The following BCL2L14 variants were observed in gnomAD, a reference collection of about 807,000 sequenced individuals.
BCL2L14 encodes the protein apoptosis facilitator Bcl-2-like protein 14.
Under a neutral mutation model 35.3 loss-of-function variants are expected in BCL2L14, and 27 were observed. The ratio of observed to expected loss-of-function variants is 0.76; its 90% confidence interval spans 0.56 to 1.05. The LOEUF (loss-of-function observed/expected upper bound fraction) is 1.05, where lower values mean the gene tolerates loss of function less well. Among genes scored for constraint, BCL2L14 ranks in the 50% least tolerant of loss-of-function variants. BCL2L14 has a pLI of 0.00. For missense variants in BCL2L14, 377 were observed against 382.6 expected (o/e 0.99, Z 0.12); for synonymous variants, 139 against 145.9 (o/e 0.95, Z 0.34).
chr12:12,061,089 C>T (rs1426468433), intron 2 of BCL2L14, among the ~76,000 whole-genome samples: 1 of 109,384 alleles, frequency 9.1e-6, no homozygotes, highest in Non-Finnish European at 1.9e-5. Flanking sequence ...CCAACTTAGA[C>T]AATACTCTTT....
intron 1 of BCL2L14, among the ~76,000 whole-genome samples, chr12:12,074,931 C>A (rs1409786165): frequency 6.6e-6 from 1 of 151,850 alleles, no homozygotes; most frequent in African/African-American, 2.4e-5. Context: ...GTGTGAGCCA[C>A]GGTGCCAGCC....
At chr12:12,066,179 G>C (rs552811970), upstream of BCL2L14, among the ~76,000 whole-genome samples, 16 of 152,338 alleles carry the variant, frequency 1.1e-4, no homozygotes, top group African/African-American at 3.8e-4. Flanking sequence ...GGAGTGGCAT[G>C]TTGACCCCTT....
intron 3 of BCL2L14, among the ~76,000 whole-genome samples, chr12:12,090,153 C>T (rs1200848563): frequency 6.6e-6 from 1 of 152,134 alleles, no homozygotes. Context: ...GAATCCTGTG[C>T]TGTGAAACCG....
intron 2 of BCL2L14, among the ~76,000 whole-genome samples, chr12:12,057,499 T>A (rs1236691449): frequency 3.9e-5 from 6 of 152,282 alleles, no homozygotes; most frequent in African/African-American, 1.4e-4. Context: ...GGCTCACGCC[T>A]GTAATCCCAG....
intron 2 of BCL2L14, among the ~76,000 whole-genome samples, chr12:12,064,651 T>A (rs1382441061): frequency 1.3e-5 from 2 of 152,208 alleles, no homozygotes; most frequent in East Asian, 3.8e-4. Context: ...AATTTTACAG[T>A]AAAATGAACA....
At chr12:12,090,028 A>C (rs796881304) in intron 3 of BCL2L14, among the ~76,000 whole-genome samples, 2 of 152,282 alleles carry the variant, frequency 1.3e-5, no homozygotes, top group African/African-American at 4.8e-5. Flanking sequence ...AACTAACCCA[A>C]AGAGTGAAAT....
chr12:12,092,540 G>A (rs551875000), intron 4 of BCL2L14, among the ~76,000 whole-genome samples: 159 of 152,302 alleles, frequency 1.0e-3, no homozygotes, highest in African/African-American at 3.7e-3. Context: ...TACACCTCCA[G>A]GAGAGGCCAA....
At chr12:12,079,232 C>T in intron 1 of BCL2L14, 67 bp from the exon 2 acceptor site, 1 of 1,339,418 alleles carries the variant, frequency 7.5e-7, no homozygotes. Flanking sequence ...TCACCCCTGT[C>T]TCTCCTAACC....
chr12:12,093,617 A>G (rs1020195999), intron 4 of BCL2L14, among the ~76,000 whole-genome samples: 1 of 151,458 alleles, frequency 6.6e-6, no homozygotes, highest in East Asian at 1.9e-4. Flanking sequence ...ACATGATGAA[A>G]CCCTGTCTCT....
chr12:12,061,753 G>A (rs960398243), intron 2 of BCL2L14, among the ~76,000 whole-genome samples: 1 of 152,136 alleles, frequency 6.6e-6, no homozygotes, highest in African/African-American at 2.4e-5. Flanking sequence ...CTGCCGGAAG[G>A]CTTCACAGAC....
chr12:12,085,591 T>C (rs1266350789), intron 2 of BCL2L14, among the ~76,000 whole-genome samples: 1 of 152,200 alleles, frequency 6.6e-6, no homozygotes, highest in African/African-American at 2.4e-5. Context: ...CCCTGTGGAC[T>C]AACCATGGAA....
chr12:12,055,696 A>T (rs1350024623), intron 2 of BCL2L14: 1 of 152,210 alleles, frequency 6.6e-6, no homozygotes, highest in African/African-American at 2.4e-5. Flanking sequence ...GAGAATACAG[A>T]AGTCAAATGG....
Position 12,078,883 on chromosome 12 carries a change from G to A in BCL2L14, c.-7-416G>A, listed in dbSNP as rs182102175. Reference sequence around the variant, plus strand: ...GCAATCTCAGCTCACTACAACCCCCGACTCCTGGGTTCAAGCGATTCTTCT... The same window carrying A: ...GCAATCTCAGCTCACTACAACCCCCAACTCCTGGGTTCAAGCGATTCTTCT... On this transcript the variant is annotated intron_variant, in intron 1 of 5. Coordinates refer to ENST00000308721, the MANE Select transcript of BCL2L14 (RefSeq NM_138723.2). Among the ~76,000 whole-genome samples, 402 of 152,242 alleles carry A rather than the reference G, an allele frequency of 2.6e-3. 1 individual carries two copies. Among genetic ancestry groups the A allele is most frequent in the African/African-American group, 8.9e-3 (368 of 41,540 alleles).
intron 5 of BCL2L14, 65 bp downstream of exon 5, chr12:12,094,995 T>TC: frequency 1.9e-6 from 3 of 1,544,772 alleles, no homozygotes; most frequent in South Asian, 2.5e-5. Flanking sequence ...GGATTTTTTT[T>TC]TTTTTTTTAA....
chr12:12,052,043 G>A (rs1948364269), intron 2 of BCL2L14, among the ~76,000 whole-genome samples: 2 of 152,042 alleles, frequency 1.3e-5, no homozygotes, highest in South Asian at 4.1e-4. Flanking sequence ...TGAGGACCTT[G>A]TTTTCTTTTT....
intron 2 of BCL2L14, among the ~76,000 whole-genome samples, chr12:12,052,418 T>G (rs1359516394): frequency 6.6e-6 from 1 of 152,208 alleles, no homozygotes; most frequent in African/African-American, 2.4e-5. Flanking sequence ...TTGTACTCTC[T>G]ACTTCTATGA....
At chr12:12,049,917 A>G (rs1948321793) in exon 1 of BCL2L14, 1 of 152,182 alleles carries the variant, frequency 6.6e-6, no homozygotes, top group African/African-American at 2.4e-5. Context: ...GCCTGGCAGA[A>G]CTAACCACCT....
At chr12:12,089,716 C>T (rs577239942) in intron 3 of BCL2L14, among the ~76,000 whole-genome samples, 1 of 152,270 alleles carries the variant, frequency 6.6e-6, no homozygotes, top group East Asian at 1.9e-4. Context: ...ACCCTGTCCC[C>T]CCAACACACA....
intron 2 of BCL2L14, among the ~76,000 whole-genome samples, chr12:12,086,548 C>T (rs371905403): frequency 8.7e-5 from 13 of 149,416 alleles, no homozygotes; most frequent in African/African-American, 2.7e-4. Flanking sequence ...AAATACATGA[C>T]GTAACTCTTT....
Sources: gnomAD v4.1 joint callset for allele counts (sites outside exome capture counted in the v4.1 genomes callset) on GRCh38, gnomAD v4.1.1 for gene constraint, MANE v1.5 for transcripts, NCBI Gene and HGNC (gene_info 2026-07-23, HGNC 2026-07-21) for gene names.